CTNNA3: variants seen among roughly 807,000 people sequenced by gnomAD.
CTNNA3 encodes the protein catenin alpha 3, also known as catenin alpha-3.
A neutral mutation model predicts 95.7 loss-of-function variants in CTNNA3; 76 were observed. That is an observed-to-expected ratio of 0.79 (90% CI 0.66 to 0.96). The LOEUF (loss-of-function observed/expected upper bound fraction) is 0.96. CTNNA3 is among the 40% of genes least tolerant of loss of function. The pLI, the probability that CTNNA3 is intolerant of heterozygous loss-of-function variation, is 0.00. For missense variants in CTNNA3, 1,191 were observed against 1,089.8 expected (o/e 1.09, Z -1.31); for synonymous variants, 431 against 374.4 (o/e 1.15, Z -1.74).
intron 13 of CTNNA3, among the ~76,000 whole-genome samples, chr10:66,131,733 C>G (rs529735874): frequency 6.6e-6 from 1 of 151,840 alleles, no homozygotes; most frequent in African/African-American, 2.4e-5. Context: ...AATAGAGAGC[C>G]CAGAAATAAG....
At chr10:67,438,674 T>C (rs1166054681) in intron 5 of CTNNA3, among the ~76,000 whole-genome samples, 3 of 152,116 alleles carry the variant, frequency 2.0e-5, no homozygotes, top group Admixed American at 2.0e-4. Context: ...GAATTGCTGG[T>C]GCCACCCCTC....
intron 9 of CTNNA3, among the ~76,000 whole-genome samples, chr10:66,634,391 C>A (rs1291674019): frequency 1.3e-5 from 2 of 151,994 alleles, no homozygotes; most frequent in Non-Finnish European, 2.9e-5. Flanking sequence ...TGATGATTCA[C>A]AAAAATGATT....
chr10:66,444,593 G>T (rs189504236), intron 11 of CTNNA3, among the ~76,000 whole-genome samples: 4,977 of 152,106 alleles, frequency 0.033, 339 homozygotes, highest in East Asian at 0.23. Flanking sequence ...AAGTGAAGGA[G>T]AAATAAAATA....
At chr10:67,242,817 A>G (rs1459403058) in intron 5 of CTNNA3, among the ~76,000 whole-genome samples, 4 of 152,232 alleles carry the variant, frequency 2.6e-5, no homozygotes, top group Non-Finnish European at 2.9e-5. Flanking sequence ...TGGAAATAGC[A>G]TAAGCTTTGA....
chr10:67,048,249 A>T (rs1369126817), intron 7 of CTNNA3, among the ~76,000 whole-genome samples: 1 of 152,122 alleles, frequency 6.6e-6, no homozygotes, highest in Non-Finnish European at 1.5e-5. Flanking sequence ...ATAAACGAGG[A>T]AGAAAATTCT....
At chr10:66,202,167 C>G (rs1251617092) in intron 13 of CTNNA3, among the ~76,000 whole-genome samples, 1 of 152,204 alleles carries the variant, frequency 6.6e-6, no homozygotes, top group African/African-American at 2.4e-5. Context: ...TTTATGTACT[C>G]TCTTTTATTT....
intron 7 of CTNNA3, among the ~76,000 whole-genome samples, chr10:67,009,879 C>T (rs909875355): frequency 6.6e-6 from 1 of 152,102 alleles, no homozygotes; most frequent in Admixed American, 6.6e-5. Flanking sequence ...ATGGTTTGTA[C>T]GTACTGTCTC....
At chr10:66,460,006 T>G (rs10997139) in intron 11 of CTNNA3, among the ~76,000 whole-genome samples, 62,473 of 151,896 alleles carry the variant, frequency 0.41, 13,899 homozygotes, top group East Asian at 0.6. Context: ...ATTTTTTTCT[T>G]CCAAAATAGA....
At chr10:66,335,025 CT>C (rs1210577497) in intron 12 of CTNNA3, among the ~76,000 whole-genome samples, 1 of 152,096 alleles carries the variant, frequency 6.6e-6, no homozygotes, top group African/African-American at 2.4e-5. Context: ...ATCGAATCGG[CT>C]ACTGAGGCTT....
rs559295372 is a variant in CTNNA3 at position 67,383,322 on chromosome 10, G to A, written c.579+138520C>T. On this transcript the variant is annotated intron_variant, in intron 5 of 17. Transcript: ENST00000433211. ...TGGTACCTACCCCGTGGCAAGCACC[G>A]TGAACAAGGCATTACATGCGTAATG... Among the ~76,000 whole-genome samples the A allele has an allele frequency of 1.4e-4, 22 of 152,246 alleles. No homozygotes were observed. In the South Asian group the frequency reaches 2.1e-3, roughly 14 times the overall value.
chr10:66,065,047 T>A (rs1435643845), intron 15 of CTNNA3, among the ~76,000 whole-genome samples: 2 of 152,136 alleles, frequency 1.3e-5, no homozygotes, highest in Non-Finnish European at 2.9e-5. Context: ...AATGAATTAT[T>A]TAAACCAAAA....
At chr10:66,605,090 A>C (rs1844071190) in intron 10 of CTNNA3, among the ~76,000 whole-genome samples, 1 of 152,146 alleles carries the variant, frequency 6.6e-6, no homozygotes, top group African/African-American at 2.4e-5. Context: ...GACAGACAAA[A>C]TAGCCAGTAT....
chr10:67,573,154 T>G (rs1842030357), intron 3 of CTNNA3, among the ~76,000 whole-genome samples: 1 of 152,080 alleles, frequency 6.6e-6, no homozygotes, highest in Non-Finnish European at 1.5e-5. Flanking sequence ...TTTAGATCGA[T>G]GTGATTATCA....
At chr10:67,095,236 G>C (rs1857913359) in intron 7 of CTNNA3, among the ~76,000 whole-genome samples, 1 of 151,526 alleles carries the variant, frequency 6.6e-6, no homozygotes, top group Non-Finnish European at 1.5e-5. Flanking sequence ...TTGTTAATAA[G>C]ATAGAATCAA....
At chr10:67,206,155 A>T (rs2394345) in intron 6 of CTNNA3, among the ~76,000 whole-genome samples, 7,363 of 152,162 alleles carry the variant, frequency 0.048, 220 homozygotes, top group South Asian at 0.11. Context: ...CAGTTATTCA[A>T]ATTACCAGGT....
At chr10:67,116,896 T>C (rs951161913) in intron 7 of CTNNA3, among the ~76,000 whole-genome samples, 1 of 151,770 alleles carries the variant, frequency 6.6e-6, no homozygotes, top group Admixed American at 6.6e-5. Flanking sequence ...CTAAACAGTG[T>C]GCTTCTAGAT....
chr10:66,512,245 G>A (rs1300140400), intron 11 of CTNNA3, among the ~76,000 whole-genome samples: 9 of 151,900 alleles, frequency 5.9e-5, no homozygotes, highest in African/African-American at 2.2e-4. Flanking sequence ...AATCTGTTCT[G>A]TTATAGTCTA....
chr10:67,160,209 A>G (rs1056397987), intron 7 of CTNNA3, among the ~76,000 whole-genome samples: 3 of 152,160 alleles, frequency 2.0e-5, no homozygotes, highest in African/African-American at 7.2e-5. Flanking sequence ...CAATAAACAA[A>G]AAAAGATCAC....
chr10:66,392,544 A>G (rs1176612350), intron 11 of CTNNA3, among the ~76,000 whole-genome samples: 1 of 152,156 alleles, frequency 6.6e-6, no homozygotes, highest in Non-Finnish European at 1.5e-5. Flanking sequence ...TTAAAATTCA[A>G]TAATAAGAAA....
Sources: allele counts gnomAD v4.1 joint callset (sites outside exome capture counted in the v4.1 genomes callset), GRCh38; gene constraint gnomAD v4.1.1; transcripts MANE v1.5; gene names NCBI Gene and HGNC (gene_info 2026-07-23, HGNC 2026-07-21).